Variants in GFOD1 observed in about 807,000 individuals in gnomAD.
GFOD1 encodes the protein Gfo/Idh/MocA-like oxidoreductase domain containing 1, also known as glucose-fructose oxidoreductase domain-containing protein 1.
GFOD1 carries 9 observed loss-of-function variants against 25.4 expected under a neutral mutation model. The observed-to-expected ratio is 0.35, with a 90% confidence interval of 0.21 to 0.62. The LOEUF (loss-of-function observed/expected upper bound fraction) is 0.62. Ranked by LOEUF, GFOD1 falls within the 20% of genes least tolerant of loss-of-function variation. The pLI is 0.72. For synonymous variants in GFOD1, 253 were observed against 245.6 expected (o/e 1.03, Z -0.28); for missense variants, 403 against 556.9 (o/e 0.72, Z 2.78).
intron 1 of GFOD1, among the ~76,000 whole-genome samples, chr6:13,433,518 A>T (rs1255767603): frequency 2.6e-5 from 4 of 152,192 alleles, no homozygotes; most frequent in Non-Finnish European, 5.9e-5. Flanking sequence ...TAGCTCCTCA[A>T]TTGGGACAAC....
At chr6:13,388,530 T>TAA (rs1785521086) in intron 1 of GFOD1, among the ~76,000 whole-genome samples, 1 of 152,208 alleles carries the variant, frequency 6.6e-6, no homozygotes, top group Non-Finnish European at 1.5e-5. Context: ...CCCTATTTAA[T>TAA]AAATGGTGCT....
In GFOD1 at chr6:13,387,278, G is replaced by A. The variant is rs1239625856; in HGVS notation, c.254-21616C>T. ...TCCTTTTCATAGTCAAGGGAATGTC[G>A]GATCCTGATACCAAAGCCAGGCAGA... is the stretch of plus-strand genomic sequence containing the variant. On this transcript the variant is annotated intron_variant, in intron 1 of 1. Coordinates refer to ENST00000379287, the MANE Select transcript of GFOD1 (RefSeq NM_018988.4). Among the ~76,000 whole-genome samples, 7 of 152,074 alleles carry A rather than the reference G, an allele frequency of 4.6e-5. No individual in the cohort carries two copies. In the East Asian group the frequency reaches 5.8e-4, roughly 13 times the overall value.
At position 13,403,110 on chromosome 6, in the gene GFOD1, T is replaced by G. The variant is rs867397583; in HGVS notation, c.254-37448A>C. On this transcript the variant is annotated intron_variant, in intron 1 of 1. Transcript: ENST00000379287. ...TTTTGTTGTGTGTGTGTGTGTGTGG[T>G]TTTTTTTTTTTTTTTGGTATTTTTT... is the stretch of plus-strand genomic sequence containing the variant. Among the ~76,000 whole-genome samples the G allele has an allele frequency of 2.4e-3, 292 of 120,342 alleles. 3 individuals carry two copies. The highest frequency in any genetic ancestry group is 7.8e-3 in the African/African-American group (247 of 31,710). The allele number at this position is 120,342 out of a possible 152,430, so 78.9% of individuals were successfully genotyped here.
At position 13,430,273 on chromosome 6, in the gene GFOD1, C is replaced by A. The variant is rs769575833; in HGVS notation, c.253+56365G>T. On this transcript the variant is annotated intron_variant, in intron 1 of 1. Coordinates refer to ENST00000379287, the MANE Select transcript of GFOD1 (RefSeq NM_018988.4). This position sits in a 1 kb window ranked among gnomAD's most constrained non-coding sequence, Gnocchi z 4.1. ...CCAATGTGGCGAAACCCCCTCTCTACTAAAAATACAAAAATTAGCCGGGCA... is the reference window on the plus strand; with the variant it reads ...CCAATGTGGCGAAACCCCCTCTCTAATAAAAATACAAAAATTAGCCGGGCA... Among the ~76,000 whole-genome samples the A allele has an allele frequency of 1.3e-5, 2 of 152,002 alleles. No individual in the cohort carries two copies. Among genetic ancestry groups the A allele is most frequent in the Non-Finnish European group, 2.9e-5 (2 of 67,978 alleles).
rs58256557 is a variant in GFOD1 at position 13,365,878 on chromosome 6, CAATAATAATAATAATAATAATAAT to C, written c.254-240_254-217del. On this transcript the variant is annotated intron_variant, in intron 1 of 1. Transcript: ENST00000379287. The surrounding 1 kb of genome is among the most constrained non-coding windows in gnomAD (Gnocchi z 9.2). ...TGGGTAACACAGAGAGATCCTGTCT[CAATAATAATAATAATAATAATAAT>C]AATAATAATAATAATAATAATGAGC... Among the ~76,000 whole-genome samples, 3 of 133,912 alleles carry C rather than the reference CAATAATAATAATAATAATAATAAT, an allele frequency of 2.2e-5. No individual in the cohort carries two copies. The highest frequency in any genetic ancestry group is 8.3e-5 in the African/African-American group (3 of 36,024). The allele number at this position is 133,912 out of a possible 152,430, so 87.9% of individuals were successfully genotyped here. A position where few individuals can be genotyped will look rare whatever the true frequency, so the allele number is the denominator to read the frequency against.
chr6:13,467,368 G>A (rs1169549754), intron 1 of GFOD1, among the ~76,000 whole-genome samples: 1 of 152,096 alleles, frequency 6.6e-6, no homozygotes, highest in East Asian at 1.9e-4. Flanking sequence ...AGGTCACACC[G>A]CTAATTAGTA....
At chr6:13,434,967 A>G (rs951244072) in intron 1 of GFOD1, among the ~76,000 whole-genome samples, 2 of 152,316 alleles carry the variant, frequency 1.3e-5, no homozygotes, top group African/African-American at 4.8e-5. Flanking sequence ...TGAGCGGCAC[A>G]TGTCTCAAAC....
chr6:13,454,662 T>C (rs1319768294), intron 1 of GFOD1, among the ~76,000 whole-genome samples: 2 of 152,214 alleles, frequency 1.3e-5, no homozygotes, highest in Non-Finnish European at 2.9e-5. Flanking sequence ...AGCACACATG[T>C]TCCCACACTC....
chr6:13,480,248 C>A (rs1045796528), intron 1 of GFOD1, among the ~76,000 whole-genome samples: 1 of 152,210 alleles, frequency 6.6e-6, no homozygotes, highest in African/African-American at 2.4e-5. Flanking sequence ...CCCAAAAGAG[C>A]CTTGCACTCC....
intron 1 of GFOD1, among the ~76,000 whole-genome samples, chr6:13,421,416 C>T (rs1786254909): frequency 1.3e-5 from 2 of 152,124 alleles, no homozygotes; most frequent in Non-Finnish European, 2.9e-5. Flanking sequence ...ACCACTTGAG[C>T]CCAGGAGATC....
At chr6:13,388,699 A>G (rs1785524568) in intron 1 of GFOD1, among the ~76,000 whole-genome samples, 1 of 152,238 alleles carries the variant, frequency 6.6e-6, no homozygotes, top group East Asian at 1.9e-4. Flanking sequence ...GGACACAGAC[A>G]TGGGCAAAGA....
Position 13,431,410 on chromosome 6 carries a change from G to A in GFOD1, c.253+55228C>T, listed in dbSNP as rs78493308. 4.7e-3 allele frequency among the ~76,000 whole-genome samples: 719 copies of A among 152,200 alleles called. 12 individuals are homozygous for A. The highest frequency in any genetic ancestry group is 0.016 in the African/African-American group (671 of 41,518). ...ACTCTACCACTCATATTCTCTCCTC[G>A]TCCAAAAGGAGCATGATGGTACCAC... On this transcript the variant is annotated intron_variant, in intron 1 of 1. Coordinates refer to ENST00000379287, the MANE Select transcript of GFOD1 (RefSeq NM_018988.4).
At chr6:13,418,582 G>T (rs1442099734) in intron 1 of GFOD1, among the ~76,000 whole-genome samples, 1 of 152,186 alleles carries the variant, frequency 6.6e-6, no homozygotes, top group African/African-American at 2.4e-5. Flanking sequence ...CTCTGAACTT[G>T]AACCTGAGAC....
chr6:13,468,471 A>G (rs1758416568), intron 1 of GFOD1, among the ~76,000 whole-genome samples: 1 of 152,128 alleles, frequency 6.6e-6, no homozygotes, highest in Admixed American at 6.5e-5. Flanking sequence ...AGGTGTTTTC[A>G]TTGTTGTTAT....
intron 1 of GFOD1, among the ~76,000 whole-genome samples, chr6:13,419,037 GGCTTTGT>G (rs903126572): frequency 1.3e-5 from 2 of 152,182 alleles, no homozygotes; most frequent in African/African-American, 4.8e-5. Flanking sequence ...GGTGGTTCCT[GGCTTTGT>G]GTTTTTCTCA....
Position 13,452,471 on chromosome 6 carries a change from C to G in GFOD1, c.253+34167G>C, listed in dbSNP as rs574331344. On this transcript the variant is annotated intron_variant, in intron 1 of 1. Coordinates refer to ENST00000379287, the MANE Select transcript of GFOD1 (RefSeq NM_018988.4). The stretch of plus-strand genomic sequence containing the variant: ...CAACAGGCAGTTGTAGCTCACAGTT[C>G]TGGAGTTGGGAAGTCTAAGATCAAG... Among the ~76,000 whole-genome samples the G allele has an allele frequency of 3.9e-5, 6 of 152,284 alleles. 1 individual carries two copies. The East Asian group carries it at 1.2e-3, about 29-fold the overall frequency.
intron 1 of GFOD1, among the ~76,000 whole-genome samples, chr6:13,456,683 T>C (rs577726750): frequency 1.3e-5 from 2 of 152,274 alleles, no homozygotes; most frequent in Admixed American, 6.5e-5. Flanking sequence ...CCTGAACAGA[T>C]GATAGGTCCT....
At chr6:13,452,307 A>G (rs1758111958) in intron 1 of GFOD1, among the ~76,000 whole-genome samples, 1 of 152,172 alleles carries the variant, frequency 6.6e-6, no homozygotes, top group African/African-American at 2.4e-5. Context: ...ACTAAAGTTG[A>G]TCATTCTCCT....
rs377331042 is a variant in GFOD1 at position 13,450,890 on chromosome 6, A to G, written c.253+35748T>C. Among the ~76,000 whole-genome samples the G allele has an allele frequency of 7.2e-5, 11 of 152,338 alleles. No individual in the cohort carries two copies. In the East Asian group the frequency reaches 2.1e-3, roughly 29 times the overall value. On this transcript the variant is annotated intron_variant, in intron 1 of 1. Transcript: ENST00000379287. ...CCAGCCAAGGGTCAACTTTGCAGGC[A>G]GGCCCTTATAAGGACAGCAGCCTAG...
Sources: allele counts gnomAD v4.1 joint callset (sites outside exome capture counted in the v4.1 genomes callset), GRCh38; gene constraint gnomAD v4.1.1; non-coding constraint Gnocchi (gnomAD v3.1); transcripts MANE v1.5; gene names NCBI Gene and HGNC (gene_info 2026-07-23, HGNC 2026-07-21).